MVB12B: variants seen among roughly 807,000 people sequenced by gnomAD.
The protein encoded by MVB12B is multivesicular body subunit 12B, also known as ESCRT-I complex subunit MVB12B.
Under a neutral mutation model 41.6 loss-of-function variants are expected in MVB12B, and 16 were observed. That is an observed-to-expected ratio of 0.38 (90% CI 0.26 to 0.58). The LOEUF is 0.58. Ranked by LOEUF, MVB12B falls within the 20% of genes least tolerant of loss-of-function variation. The pLI, the probability that MVB12B is intolerant of heterozygous loss-of-function variation, is 0.62. For missense variants in MVB12B, 274 were observed against 380.2 expected (o/e 0.72, Z 2.32); for synonymous variants, 133 against 139.7 (o/e 0.95, Z 0.34).
intron 9 of MVB12B, among the ~76,000 whole-genome samples, chr9:126,490,277 T>C (rs1833705211): frequency 6.6e-6 from 1 of 152,064 alleles, no homozygotes; most frequent in Non-Finnish European, 1.5e-5. Context: ...GTATCCTCCC[T>C]CCCCACCCAC....
In MVB12B at chr9:126,405,592, G is replaced by A. The variant is rs1005582235; in HGVS notation, c.662+9895G>A. ...AAGTAAAAATGGGCGTTAAACCAGC[G>A]ATATTTCCCAGGATTTTACTACCAC... On this transcript the variant is annotated intron_variant, in intron 6 of 9. Transcript: ENST00000361171. 3.9e-5 allele frequency among the ~76,000 whole-genome samples: 6 copies of A among 151,962 alleles called. No individual in the cohort carries two copies. The East Asian group carries it at 9.7e-4, about 24-fold the overall frequency.
rs116772795 is a variant in MVB12B at position 126,441,041 on chromosome 9, G to A, written c.757+19093G>A. ...GAGGCCTGCCAACTAGGCCTCGCTG[G>A]CTGTCAGCCCTTCTGTTCTCCCGAT... is the stretch of plus-strand genomic sequence containing the variant. On this transcript the variant is annotated intron_variant, in intron 7 of 9. Transcript: ENST00000361171. Among the ~76,000 whole-genome samples, 203 of 152,346 alleles carry A rather than the reference G, an allele frequency of 1.3e-3. 2 individuals carry two copies. Among genetic ancestry groups the A allele is most frequent in the Middle Eastern group, 6.8e-3 (2 of 294 alleles).
intron 7 of MVB12B, among the ~76,000 whole-genome samples, chr9:126,456,349 A>G (rs1476426819): frequency 6.6e-6 from 1 of 152,246 alleles, no homozygotes; most frequent in Non-Finnish European, 1.5e-5. Flanking sequence ...GATATGAAAC[A>G]TTCAGGTGAA....
rs1049608748 is a variant in MVB12B, at chr9:126,504,038, A to T, written c.*775A>T. 1 of 152,382 alleles carries T rather than the reference A, an allele frequency of 6.6e-6. No homozygotes were observed. The highest frequency in any genetic ancestry group is 1.5e-5 in the Non-Finnish European group (1 of 68,216). 9.4% of individuals were successfully genotyped at this position (152,382 alleles called of 1,614,324 possible). A position where few individuals can be genotyped will look rare whatever the true frequency, so the allele number is the denominator to read the frequency against. The stretch of plus-strand genomic sequence containing the variant: ...ATCTGTGCAACAACCACATGCCAAC[A>T]ATAGCTCCAGGTGCCTCAGCCCCGT... On this transcript the variant is annotated 3_prime_UTR_variant, in exon 10 of 10. Transcript: ENST00000361171.
intron 2 of MVB12B, among the ~76,000 whole-genome samples, chr9:126,362,811 A>G (rs963527528): frequency 7.9e-5 from 12 of 152,210 alleles, no homozygotes; most frequent in Admixed American, 6.5e-4. Flanking sequence ...TGACCTTGCT[A>G]ATGTAAATGG....
At chr9:126,482,562 T>C (rs1588205343) in intron 8 of MVB12B, among the ~76,000 whole-genome samples, 2 of 150,818 alleles carry the variant, frequency 1.3e-5, no homozygotes, top group African/African-American at 5.0e-5. Flanking sequence ...GAGAGGCAGC[T>C]CTGTCCTGCT....
intron 7 of MVB12B, among the ~76,000 whole-genome samples, chr9:126,437,719 G>T (rs1832523317): frequency 6.6e-6 from 1 of 152,150 alleles, no homozygotes; most frequent in South Asian, 2.1e-4. Flanking sequence ...GTTTTTTCAA[G>T]GATTTATTAC....
chr9:126,409,204 T>G (rs1220019068), intron 6 of MVB12B, among the ~76,000 whole-genome samples: 1 of 152,150 alleles, frequency 6.6e-6, no homozygotes, highest in African/African-American at 2.4e-5. Context: ...TTCCTTTGAT[T>G]TAGCCACACG....
Position 126,478,330 on chromosome 9 carries a change from C to T in MVB12B, c.758-3039C>T, listed in dbSNP as rs116904056. 0.022 allele frequency among the ~76,000 whole-genome samples: 3,372 copies of T among 152,220 alleles called. 47 individuals are homozygous for T. Among genetic ancestry groups the T allele is most frequent in the Non-Finnish European group, 0.035 (2,383 of 68,014 alleles). ...TAGGCACTTGCCCCAGGCTGGAGCCCTCTACCCAGTTCCCCAGATCCCCGT... is the reference window on the plus strand; with the variant it reads ...TAGGCACTTGCCCCAGGCTGGAGCCTTCTACCCAGTTCCCCAGATCCCCGT... On this transcript the variant is annotated intron_variant, in intron 7 of 9. Coordinates refer to ENST00000361171, the MANE Select transcript of MVB12B (RefSeq NM_033446.3). This position sits in a 1 kb window ranked among gnomAD's most constrained non-coding sequence, Gnocchi z 4.2.
chr9:126,393,235 G>A (rs760395840), intron 5 of MVB12B, among the ~76,000 whole-genome samples: 1 of 152,234 alleles, frequency 6.6e-6, no homozygotes, highest in East Asian at 1.9e-4. Flanking sequence ...CATCACAGAG[G>A]AGTTGGGGAG....
chr9:126,331,695 T>G (rs1829135521), intron 1 of MVB12B, among the ~76,000 whole-genome samples: 2 of 152,252 alleles, frequency 1.3e-5, no homozygotes, highest in Admixed American at 1.3e-4. Flanking sequence ...CAGTTTAGTT[T>G]AACTTGCCTA....
At chr9:126,410,532 C>T (rs1348081246) in intron 6 of MVB12B, among the ~76,000 whole-genome samples, 2 of 152,102 alleles carry the variant, frequency 1.3e-5, no homozygotes. Flanking sequence ...GTGCAAGTGC[C>T]CAGTGAGTAG....
chr9:126,470,005 A>C (rs1833277863), intron 7 of MVB12B, among the ~76,000 whole-genome samples: 1 of 152,250 alleles, frequency 6.6e-6, no homozygotes, highest in Non-Finnish European at 1.5e-5. Flanking sequence ...ATGATGTTTA[A>C]ATGAGATAAA....
intron 9 of MVB12B, among the ~76,000 whole-genome samples, chr9:126,500,393 A>G (rs2119240722): frequency 6.6e-6 from 1 of 151,040 alleles, no homozygotes; most frequent in Middle Eastern, 3.4e-3. Context: ...CCCTCCCCCA[A>G]CCAGTCCTTC....
chr9:126,340,254 C>T lies in MVB12B; in HGVS notation c.82-254C>T, dbSNP rs566352795. Among the ~76,000 whole-genome samples, 2 of 152,192 alleles carry T rather than the reference C, an allele frequency of 1.3e-5. No individual in the cohort carries two copies. Among genetic ancestry groups the T allele is most frequent in the South Asian group, 4.1e-4 (2 of 4,830 alleles). On this transcript the variant is annotated intron_variant, in intron 1 of 9. Coordinates refer to ENST00000361171, the MANE Select transcript of MVB12B (RefSeq NM_033446.3). This position sits in a 1 kb window ranked among gnomAD's most constrained non-coding sequence, Gnocchi z 4.0. ...CGTGCTCTTGGGTTTGAGTCAAGCT[C>T]ACCTCCTGAGAGTAGAGACAAGCTC... is the stretch of plus-strand genomic sequence containing the variant.
Position 126,396,603 on chromosome 9 carries a change from G to C in MVB12B, c.662+906G>C, listed in dbSNP as rs375879527. On this transcript the variant is annotated intron_variant, in intron 6 of 9. Transcript: ENST00000361171. Reference sequence around the variant, plus strand: ...CTCCGGGACATACCACCAGCTCTCTGTACTCTGTTCCTCTGTGCCAAGCCT... The same window carrying C: ...CTCCGGGACATACCACCAGCTCTCTCTACTCTGTTCCTCTGTGCCAAGCCT... 94 of 985,478 alleles carry C rather than the reference G, an allele frequency of 9.5e-5. No individual in the cohort carries two copies. In the East Asian group the frequency reaches 3.3e-3, roughly 35 times the overall value. The allele number at this position is 985,478 out of a possible 1,614,324, so 61.0% of individuals were successfully genotyped here.
At chr9:126,331,855 C>T (rs1278324390) in intron 1 of MVB12B, among the ~76,000 whole-genome samples, 4 of 152,104 alleles carry the variant, frequency 2.6e-5, no homozygotes, top group Non-Finnish European at 2.9e-5. Context: ...AAGGAAGGGG[C>T]GTTGGTTGGA....
chr9:126,453,323 G>A (rs1307469501), intron 7 of MVB12B, among the ~76,000 whole-genome samples: 1 of 152,184 alleles, frequency 6.6e-6, no homozygotes, highest in Non-Finnish European at 1.5e-5. Context: ...GGGGAGGGGT[G>A]AAAGGTCCAG....
At chr9:126,348,374 CTT>C (rs1430031934) in intron 2 of MVB12B, among the ~76,000 whole-genome samples, 1 of 152,220 alleles carries the variant, frequency 6.6e-6, no homozygotes, top group Non-Finnish European at 1.5e-5. Flanking sequence ...ACGTGGCACA[CTT>C]AGCACAGTGC....
Sources: allele counts gnomAD v4.1 joint callset (sites outside exome capture counted in the v4.1 genomes callset), GRCh38; gene constraint gnomAD v4.1.1; non-coding constraint Gnocchi (gnomAD v3.1); transcripts MANE v1.5; gene names NCBI Gene and HGNC (gene_info 2026-07-23, HGNC 2026-07-21).